The following ZNF438 variants were observed in gnomAD, a reference collection of about 807,000 sequenced individuals.
ZNF438 encodes the protein zinc finger protein 438.
ZNF438 carries 25 observed loss-of-function variants against 38.0 expected under a neutral mutation model. That is an observed-to-expected ratio of 0.66 (90% CI 0.48 to 0.92). The LOEUF (loss-of-function observed/expected upper bound fraction) is 0.92. Among genes scored for constraint, ZNF438 ranks in the 40% least tolerant of loss-of-function variants. The pLI is 0.00. For synonymous variants in ZNF438, 372 were observed against 364.1 expected (o/e 1.02, Z -0.25); for missense variants, 1,007 against 999.6 (o/e 1.01, Z -0.10).
chr10:30,919,081 G>A (rs907375187), intron 2 of ZNF438: 3 of 152,186 alleles, frequency 2.0e-5, no homozygotes, highest in East Asian at 1.9e-4. Flanking sequence ...TTCCTACTTG[G>A]CCTTCTTTCA....
At chr10:30,929,218 G>T (rs1208121212) in intron 2 of ZNF438, among the ~76,000 whole-genome samples, 1 of 152,138 alleles carries the variant, frequency 6.6e-6, no homozygotes, top group Non-Finnish European at 1.5e-5. Context: ...GTGGGTTCTT[G>T]GTCTCACTGA....
At chr10:30,856,870 A>G (rs901944164) in intron 4 of ZNF438, among the ~76,000 whole-genome samples, 3 of 152,236 alleles carry the variant, frequency 2.0e-5, no homozygotes, top group African/African-American at 7.2e-5. Context: ...ACAATTTTGA[A>G]AAGTGACATT....
At chr10:30,930,309 T>C (rs1454565866) in intron 2 of ZNF438, among the ~76,000 whole-genome samples, 3 of 152,100 alleles carry the variant, frequency 2.0e-5, no homozygotes. Context: ...TCCGCAGCTG[T>C]TGGCCCAGGT....
intron 1 of ZNF438, among the ~76,000 whole-genome samples, chr10:31,008,488 T>C (rs1315301398): frequency 6.6e-6 from 1 of 152,236 alleles, no homozygotes; most frequent in Non-Finnish European, 1.5e-5. Context: ...TTTCTGTCCC[T>C]ATGGATTGGC....
intron 1 of ZNF438, among the ~76,000 whole-genome samples, chr10:31,030,187 C>T (rs542007159): frequency 5.0e-4 from 76 of 152,316 alleles, no homozygotes; most frequent in African/African-American, 1.8e-3. Context: ...TTCCCTCACA[C>T]TTCAAGTGTC....
intron 4 of ZNF438, among the ~76,000 whole-genome samples, chr10:30,869,867 A>G (rs548800833): frequency 5.9e-5 from 9 of 152,322 alleles, no homozygotes; most frequent in African/African-American, 1.7e-4. Flanking sequence ...TTTTCCCCCA[A>G]TAGTGAGGTC....
chr10:30,850,307 T>G (rs1343477678), exon 5 of ZNF438: 1 of 1,614,196 alleles, frequency 6.2e-7, no homozygotes, highest in Non-Finnish European at 8.5e-7. Flanking sequence ...GGTCCTAAAC[T>G]GACTCTTATT....
At chr10:30,914,847 A>G (rs141440952) in intron 2 of ZNF438, among the ~76,000 whole-genome samples, 1 of 152,218 alleles carries the variant, frequency 6.6e-6, no homozygotes, top group East Asian at 1.9e-4. Flanking sequence ...ATTTTTAAAA[A>G]GTAGATCTTA....
intron 1 of ZNF438, among the ~76,000 whole-genome samples, chr10:30,973,325 C>A (rs1451883503): frequency 6.6e-6 from 1 of 152,192 alleles, no homozygotes; most frequent in Non-Finnish European, 1.5e-5. Context: ...CTCTGCCTTA[C>A]TTTGTAAGTC....
At chr10:30,970,336 G>A (rs924860084) in intron 1 of ZNF438, among the ~76,000 whole-genome samples, 17 of 152,138 alleles carry the variant, frequency 1.1e-4, no homozygotes, top group Non-Finnish European at 2.4e-4. Flanking sequence ...CAACAGTTAT[G>A]TTAATGAAAA....
intron 1 of ZNF438, among the ~76,000 whole-genome samples, chr10:31,005,774 A>G (rs1335187597): frequency 1.3e-5 from 2 of 152,176 alleles, no homozygotes; most frequent in Non-Finnish European, 2.9e-5. Context: ...AAAAATAGGT[A>G]TTTACTATTT....
chr10:30,887,036 T>G (rs1376802869), intron 3 of ZNF438, among the ~76,000 whole-genome samples: 5 of 152,132 alleles, frequency 3.3e-5, no homozygotes, highest in Non-Finnish European at 7.4e-5. Context: ...TGCAAATGAC[T>G]CCCCTGTGAG....
At chr10:30,992,416 C>CT (rs60965540) in intron 1 of ZNF438, among the ~76,000 whole-genome samples, 98,920 of 141,704 alleles carry the variant, frequency 0.7, 34,524 homozygotes, top group African/African-American at 0.74. Flanking sequence ...TCTGAATCTT[C>CT]TTTTTTTTTT....
intron 1 of ZNF438, among the ~76,000 whole-genome samples, chr10:31,022,856 G>A (rs902792317): frequency 1.3e-5 from 2 of 152,066 alleles, no homozygotes; most frequent in Admixed American, 6.5e-5. Context: ...AAACCAGCAG[G>A]TTTTTGGAAA....
intron 1 of ZNF438, among the ~76,000 whole-genome samples, chr10:30,961,437 A>C (rs2049479070): frequency 6.8e-6 from 1 of 146,356 alleles, no homozygotes; most frequent in Non-Finnish European, 1.6e-5. Flanking sequence ...CTGGGACTAC[A>C]GGTGTGCACA....
intron 3 of ZNF438, among the ~76,000 whole-genome samples, chr10:30,887,553 T>A (rs1371333921): frequency 6.6e-6 from 1 of 152,102 alleles, no homozygotes; most frequent in Admixed American, 6.5e-5. Context: ...CACGTCCAGC[T>A]AATTTTTTGT....
intron 2 of ZNF438, among the ~76,000 whole-genome samples, chr10:30,935,210 T>C (rs886374449): frequency 3.9e-5 from 6 of 152,246 alleles, no homozygotes; most frequent in African/African-American, 1.4e-4. Flanking sequence ...AATAACTTGT[T>C]CAAGGTTGTT....
intron 1 of ZNF438, among the ~76,000 whole-genome samples, chr10:30,948,652 G>A (rs1285258058): frequency 6.6e-5 from 10 of 151,308 alleles, no homozygotes; most frequent in African/African-American, 1.7e-4. Context: ...GGGTATCAGC[G>A]ATGGAAGATG....
chr10:30,935,839 A>T (rs2046193115), intron 2 of ZNF438, among the ~76,000 whole-genome samples: 1 of 152,024 alleles, frequency 6.6e-6, no homozygotes, highest in African/African-American at 2.4e-5. Context: ...TCTTGTGAGA[A>T]CTCACTCACT....
Sources: gnomAD v4.1 joint callset for allele counts (sites outside exome capture counted in the v4.1 genomes callset) on GRCh38, gnomAD v4.1.1 for gene constraint, MANE v1.5 for transcripts, NCBI Gene and HGNC (gene_info 2026-07-23, HGNC 2026-07-21) for gene names.